SLC22A11: variants seen among roughly 807,000 people sequenced by gnomAD.
SLC22A11 encodes organic anion transporter 4.
In SLC22A11, 42 loss-of-function variants were observed where a neutral mutation model predicts 49.4. The observed-to-expected ratio is 0.85, with a 90% CI of 0.66 to 1.10. The LOEUF (loss-of-function observed/expected upper bound fraction) is 1.10, where lower values mean the gene tolerates loss of function less well. SLC22A11 is among the 50% of genes least tolerant of loss of function. The pLI is 0.00. For missense variants in SLC22A11, 685 were observed against 731.6 expected (o/e 0.94, Z 0.74); for synonymous variants, 304 against 315.8 (o/e 0.96, Z 0.40).
rs2038716722 is a variant in SLC22A11 at position 64,572,456 on chromosome 11, C to T, written c.*1414C>T. On this transcript the variant is annotated 3_prime_UTR_variant, in exon 10 of 10. Transcript: ENST00000301891. The stretch of plus-strand genomic sequence containing the variant: ...CCCTGCCACAAAGTTACCCTCATGC[C>T]CTTCCCTGGAGACCCCACTCTGGGC... 1 of 152,530 alleles carries T rather than the reference C, an allele frequency of 6.6e-6. No homozygotes were observed. 9.4% of individuals were successfully genotyped at this position (152,530 alleles called of 1,614,324 possible).
At chr11:64,570,797 A>G (rs1252329816) in intron 9 of SLC22A11, among the ~76,000 whole-genome samples, 182 bp from the exon 10 acceptor site, 1 of 152,012 alleles carries the variant, frequency 6.6e-6, no homozygotes, top group Non-Finnish European at 1.5e-5. Flanking sequence ...TCTTTAATTT[A>G]ATTGATTTTT....
chr11:64,559,354 T>TGCCTCCTCTGTTTCTTCCCTCCC (rs1247926960), intron 2 of SLC22A11, 116 bp downstream of exon 2: 3 of 786,254 alleles, frequency 3.8e-6, no homozygotes, highest in Non-Finnish European at 5.7e-6. Flanking sequence ...GTCTCCCTCC[T>TGCCTCCTCTGTTTCTTCCCTCCC]GCCTCCTCTG....
chr11:64,568,028 T>TGCGGTG (rs932636659), intron 7 of SLC22A11, among the ~76,000 whole-genome samples: 10 of 152,314 alleles, frequency 6.6e-5, no homozygotes, highest in African/African-American at 2.4e-4. Flanking sequence ...CGGCACGTCG[T>TGCGGTG]GCGGTGGCGG....
In SLC22A11 at chr11:64,556,220, T is replaced by G. The variant is rs758299396; in HGVS notation, c.221T>G (p.Ile74Ser). Reference sequence around the variant, plus strand: ...CCCAAGGCCCTTCTGACCATCTCCATCCCGCCAGGCCCCAACCAGGGGCCC... The same window carrying G: ...CCCAAGGCCCTTCTGACCATCTCCAGCCCGCCAGGCCCCAACCAGGGGCCC... ...MTPKALLTIS[I>S]PPGPNQGPHQ... Residue 74 changes from isoleucine (I) to serine (S), a missense_variant, in exon 1 of 10, where the codon ATC becomes AGC. Ile to Ser is a moderately radical substitution (Grantham distance 142). Transcript: ENST00000301891. 1 of 1,613,746 alleles carries G rather than the reference T, an allele frequency of 6.2e-7. No individual in the cohort carries two copies. The highest frequency in any genetic ancestry group is 1.3e-5 in the African/African-American group (1 of 74,974).
rs552406842 is a variant in SLC22A11, at chr11:64,568,895, C to T, written c.1382+117C>T. 85 of 829,098 alleles carry T rather than the reference C, an allele frequency of 1.0e-4. No homozygotes were observed. The Admixed American group carries it at 1.1e-3, about 11-fold the overall frequency. The allele number at this position is 829,098 out of a possible 1,614,324, so 51.4% of individuals were successfully genotyped here. A position where few individuals can be genotyped will look rare whatever the true frequency, so the allele number is the denominator to read the frequency against. On this transcript the variant is annotated intron_variant, in intron 8 of 9. Coordinates refer to ENST00000301891, the MANE Select transcript of SLC22A11 (RefSeq NM_018484.4). ...TGCAGCCAGGGCCGCTCAGGGTCCC[C>T]CCCAGGACAGCTCTTCCCCTTGAGA...
intron 6 of SLC22A11, chr11:64,566,263 C>A (rs982954707): frequency 3.3e-5 from 5 of 151,834 alleles, no homozygotes; most frequent in Non-Finnish European, 7.4e-5. Flanking sequence ...AAAAAAAAAC[C>A]TAAGGACCTG....
At chr11:64,556,614 T>C (rs961102582) in intron 1 of SLC22A11, among the ~76,000 whole-genome samples, 6 of 152,108 alleles carry the variant, frequency 3.9e-5, no homozygotes, top group African/African-American at 1.4e-4. Flanking sequence ...GGTGGGCACC[T>C]CTGAATGCTG....
Position 64,571,189 on chromosome 11 carries a change from C to T in SLC22A11, c.*147C>T. ...AGCCGTGGCCGAGTGGACAGCGTGG[C>T]CGTCTGCTGTGGCTGAAGGCAGCTT... is the stretch of plus-strand genomic sequence containing the variant. On this transcript the variant is annotated 3_prime_UTR_variant, in exon 10 of 10. Coordinates refer to ENST00000301891, the MANE Select transcript of SLC22A11 (RefSeq NM_018484.4). 1 of 785,334 alleles carries T rather than the reference C, an allele frequency of 1.3e-6. No homozygotes were observed. Among genetic ancestry groups the T allele is most frequent in the Non-Finnish European group, 2.1e-6 (1 of 479,828 alleles). The allele number at this position is 785,334 out of a possible 1,614,324, so 48.6% of individuals were successfully genotyped here. A position where few individuals can be genotyped will look rare whatever the true frequency, so the allele number is the denominator to read the frequency against.
Position 64,556,329 on chromosome 11 carries a change from G to T in SLC22A11, c.330G>T (p.Thr110=). The T allele has an allele frequency of 6.2e-7, 1 of 1,613,354 alleles. No individual in the cohort carries two copies. The highest frequency in any genetic ancestry group is 1.1e-5 in the South Asian group (1 of 91,070). Residue 110 remains threonine (T), a synonymous_variant, in exon 1 of 10, where the codon ACG becomes ACT. Coordinates refer to ENST00000301891, the MANE Select transcript of SLC22A11 (RefSeq NM_018484.4). ...CCACCAGCTGGAGCGAAGCTGACAC[G>T]GAGCCGTGTGTGGACGGCTGGGTCT... ...ATATSWSEAD[T]EPCVDGWVYD...
Position 64,559,126 on chromosome 11 carries a change from C to G in SLC22A11, c.394-9C>G. 6.2e-7 allele frequency: 1 copy of G among 1,611,052 alleles called. No homozygotes were observed. The highest frequency in any genetic ancestry group is 8.5e-7 in the Non-Finnish European group (1 of 1,177,402). ...CCCCGAGCTGAGCCACTGCACCCTC[C>G]TCTTGCAGTGGGACCTGGTGTGCAG... is the stretch of plus-strand genomic sequence containing the variant. On this transcript the variant is annotated splice_polypyrimidine_tract_variant and intron_variant, in intron 1 of 9. Transcript: ENST00000301891.
At chr11:64,557,067 C>T (rs568100130) in intron 1 of SLC22A11, among the ~76,000 whole-genome samples, 9 of 152,292 alleles carry the variant, frequency 5.9e-5, no homozygotes, top group African/African-American at 1.9e-4. Context: ...TCCATTCCAC[C>T]GGTGAATTCA....
chr11:64,562,368 C>T lies in SLC22A11; in HGVS notation c.754C>T (p.Leu252=). The change falls in exon 4 of 10, where the codon CTG becomes TTG. Residue 252 remains leucine (L), a synonymous_variant. Coordinates refer to ENST00000301891, the MANE Select transcript of SLC22A11 (RefSeq NM_018484.4). The surrounding 1 kb of genome is among the most constrained non-coding windows in gnomAD (Gnocchi z 4.4). ...GGCGCTGGGCGGCCTGGCCTTTGCC[C>T]TGCGGGACTGGAGGACTCTCCAGCT... ...QAALGGLAFA[L]RDWRTLQLAA... 1 of 1,610,402 alleles carries T rather than the reference C, an allele frequency of 6.2e-7. No individual in the cohort carries two copies. The highest frequency in any genetic ancestry group is 8.5e-7 in the Non-Finnish European group (1 of 1,178,268).
At chr11:64,567,842 C>CGAAGCA (rs1565123862) in intron 7 of SLC22A11, 29 bp downstream of exon 7, 1 of 1,545,432 alleles carries the variant, frequency 6.5e-7, no homozygotes, top group South Asian at 1.2e-5. Context: ...GCGGTGGGAC[C>CGAAGCA]GGGCCCTGCT....
intron 1 of SLC22A11, among the ~76,000 whole-genome samples, chr11:64,556,770 G>A (rs1229443644): frequency 6.6e-6 from 1 of 152,160 alleles, no homozygotes; most frequent in African/African-American, 2.4e-5. Context: ...AGACAGGCCA[G>A]GGTGACACAC....
In SLC22A11 at chr11:64,556,223, C is replaced by T. The variant is rs143217473; in HGVS notation, c.224C>T (p.Pro75Leu). ...TPKALLTISIPPGPNQGPHQC... is the reference protein window; with the variant it reads ...TPKALLTISILPGPNQGPHQC... ...AAGGCCCTTCTGACCATCTCCATCCCGCCAGGCCCCAACCAGGGGCCCCAC... is the reference window on the plus strand; with the variant it reads ...AAGGCCCTTCTGACCATCTCCATCCTGCCAGGCCCCAACCAGGGGCCCCAC... Residue 75 changes from proline (P) to leucine (L), a missense_variant, in exon 1 of 10, where the codon CCG (proline) becomes CTG (leucine). Physicochemically the swap from Pro to Leu is moderately conservative, Grantham distance 98 (BLOSUM62 -3). Coordinates refer to ENST00000301891, the MANE Select transcript of SLC22A11 (RefSeq NM_018484.4). 51 of 1,614,028 alleles carry T rather than the reference C, an allele frequency of 3.2e-5. No homozygotes were observed. The highest frequency in any genetic ancestry group is 3.9e-5 in the Non-Finnish European group (46 of 1,180,042).
Position 64,569,734 on chromosome 11 carries a change from C to T in SLC22A11, c.1465C>T (p.Leu489=). Residue 489 remains leucine (L), a synonymous_variant, in exon 9 of 10, where the codon CTG becomes TTG. Coordinates refer to ENST00000301891, the MANE Select transcript of SLC22A11 (RefSeq NM_018484.4). ...CCTGATCCTGATGAGCCGCCAAGCC[C>T]TGCCCCTGCTGCCTCCTCTCCTCTA... ...GPLILMSRQA[L]PLLPPLLYGV... is the part of the protein sequence containing the mutation. 1 of 1,614,200 alleles carries T rather than the reference C, an allele frequency of 6.2e-7. No individual in the cohort carries two copies. Among genetic ancestry groups the T allele is most frequent in the Non-Finnish European group, 8.5e-7 (1 of 1,180,030 alleles).
intron 6 of SLC22A11, among the ~76,000 whole-genome samples, chr11:64,566,947 G>C (rs1348156727): frequency 1.3e-5 from 2 of 152,130 alleles, no homozygotes; most frequent in East Asian, 3.9e-4. Context: ...TGGGGTGGGG[G>C]AGTGGGCAGA....
intron 1 of SLC22A11, 133 bp downstream of exon 1, chr11:64,556,525 C>T: frequency 7.2e-7 from 1 of 1,379,320 alleles, no homozygotes; most frequent in Non-Finnish European, 9.8e-7. Context: ...CCTCGTCAGC[C>T]ACACACAGGG....
At chr11:64,561,082 G>A (rs1799641731) in intron 2 of SLC22A11, among the ~76,000 whole-genome samples, 2 of 152,316 alleles carry the variant, frequency 1.3e-5, no homozygotes, top group South Asian at 4.1e-4. Flanking sequence ...TCGCATCTCC[G>A]TTCTGAGCAG....
Sources: gnomAD v4.1 joint callset for allele counts (sites outside exome capture counted in the v4.1 genomes callset) on GRCh38, gnomAD v4.1.1 for gene constraint, Gnocchi (gnomAD v3.1) non-coding constraint, MANE v1.5 for transcripts, NCBI Gene and HGNC (gene_info 2026-07-23, HGNC 2026-07-21) for gene names.